Variants in DNAH17 observed in about 807,000 individuals in gnomAD.
The protein encoded by DNAH17 is dynein axonemal heavy chain 17.
In DNAH17, 376 loss-of-function variants were observed where a neutral mutation model predicts 485.6. The ratio of observed to expected loss-of-function variants is 0.77; its 90% CI spans 0.71 to 0.84. DNAH17 has a LOEUF of 0.84. DNAH17 is among the 40% of genes least tolerant of loss of function. The pLI, the probability that DNAH17 is intolerant of heterozygous loss-of-function variation, is 0.00. For missense variants in DNAH17, 6,370 were observed against 5,839.3 expected (o/e 1.09, Z -2.96); for synonymous variants, 3,031 against 2,405.9 (o/e 1.26, Z -7.60).
At chr17:78,435,517 G>A (rs2086826663) in intron 74 of DNAH17, among the ~76,000 whole-genome samples, 2 of 152,128 alleles carry the variant, frequency 1.3e-5, no homozygotes, top group African/African-American at 2.4e-5. Context: ...TGCCACTCCC[G>A]TGTGCTGGCT....
chr17:78,507,338 T>C lies in DNAH17; in HGVS notation c.4616A>G (p.Asn1539Ser), dbSNP rs760332659. 8.7e-6 allele frequency: 14 copies of C among 1,613,828 alleles called. No individual in the cohort carries two copies. In the East Asian group the frequency reaches 2.0e-4, roughly 23 times the overall value. Residue 1539 changes from asparagine (N) to serine (S), a missense_variant, in exon 29 of 81, where the codon AAC becomes AGC. Physicochemically the swap from Asn to Ser is conservative, Grantham distance 46. Coordinates refer to ENST00000389840, the MANE Select transcript of DNAH17 (RefSeq NM_173628.4). ...ALMEDAVKTP[N>S]VVEATSKPGL... is the part of the protein sequence containing the mutation. ...GGGTTTGCTGGTGGCTTCCACCACG[T>C]TGGGTGTTTTCACTGCATCTTCCAT...
intron 9 of DNAH17, among the ~76,000 whole-genome samples, chr17:78,567,978 T>C (rs941730830): frequency 2.6e-5 from 4 of 152,156 alleles, no homozygotes; most frequent in African/African-American, 7.2e-5. Flanking sequence ...GAACTGGTGC[T>C]GAGGTTGGTG....
At chr17:78,566,586 T>C (rs1392333378) in intron 11 of DNAH17, 28 bp downstream of exon 11, 1 of 1,496,706 alleles carries the variant, frequency 6.7e-7, no homozygotes, top group Admixed American at 1.9e-5. Context: ...AGGCTCCAGA[T>C]CTGCCTGCGT....
chr17:78,443,750 A>G (rs948827386), intron 71 of DNAH17, among the ~76,000 whole-genome samples: 3 of 152,028 alleles, frequency 2.0e-5, no homozygotes, highest in African/African-American at 7.2e-5. Flanking sequence ...GGGTCTCACT[A>G]TGTTTCCCAG....
intron 75 of DNAH17, among the ~76,000 whole-genome samples, chr17:78,431,935 G>A (rs1292745026): frequency 6.6e-6 from 1 of 152,132 alleles, no homozygotes; most frequent in African/African-American, 2.4e-5. Context: ...ACTTTGGGAG[G>A]CCGAGGTGGG....
rs1401300630 is a variant in DNAH17 at position 78,499,948 on chromosome 17, C to T, written c.5640+357G>A. On this transcript the variant is annotated intron_variant, in intron 36 of 80. Coordinates refer to ENST00000389840, the MANE Select transcript of DNAH17 (RefSeq NM_173628.4). ...CCAATCCCCTGCTCCCCTCCCAAAC[C>T]CACCTGGACACTGCTTGTACCCCAC... 3 of 195,786 alleles carry T rather than the reference C, an allele frequency of 1.5e-5. No homozygotes were observed. The Admixed American group carries it at 1.6e-4, about 11-fold the overall frequency. The allele number at this position is 195,786 out of a possible 1,614,324, so 12.1% of individuals were successfully genotyped here.
chr17:78,486,184 G>C, intron 45 of DNAH17, 40 bp downstream of exon 45: 2 of 1,595,108 alleles, frequency 1.3e-6, no homozygotes, highest in African/African-American at 1.3e-5. Flanking sequence ...AGGATGCTGA[G>C]AGACCCTGTG....
intron 1 of DNAH17, 71 bp from the exon 2 acceptor site, chr17:78,575,153 C>A (rs536363671): frequency 2.0e-6 from 2 of 981,844 alleles, no homozygotes; most frequent in Non-Finnish European, 3.0e-6. Flanking sequence ...TCCCTGGCAC[C>A]GCAGGAAATC....
Position 78,455,770 on chromosome 17 carries a change from C to G in DNAH17, c.10044G>C (p.Gln3348His). 6.2e-7 allele frequency: 1 copy of G among 1,613,594 alleles called. No homozygotes were observed. Residue 3348 changes from glutamine (Q) to histidine (H), a missense_variant, in exon 63 of 81, where the codon CAG becomes CAC. Coordinates refer to ENST00000389840, the MANE Select transcript of DNAH17 (RefSeq NM_173628.4). ...WAESVENFRS[Q>H]GVTLCGDVLL... ...GGACGTCCCCACACAGCGTGACCCCCTGGCTCCTGAAGTTCTCCACAGACT... is the reference window on the plus strand; with the variant it reads ...GGACGTCCCCACACAGCGTGACCCCGTGGCTCCTGAAGTTCTCCACAGACT...
chr17:78,476,084 G>C (rs75022973), intron 52 of DNAH17, among the ~76,000 whole-genome samples: 3,170 of 152,196 alleles, frequency 0.021, 42 homozygotes, highest in Middle Eastern at 0.044. Flanking sequence ...ATTCCACCAA[G>C]AACACACGGG....
chr17:78,557,874 T>C (rs574350046), intron 14 of DNAH17, among the ~76,000 whole-genome samples: 63 of 151,960 alleles, frequency 4.1e-4, no homozygotes, highest in Admixed American at 7.9e-4. Flanking sequence ...GATCTCCAAG[T>C]GGAACAGAAC....
chr17:78,571,883 A>G, intron 3 of DNAH17, 101 bp from the exon 4 acceptor site: 1 of 1,175,928 alleles, frequency 8.5e-7, no homozygotes, highest in South Asian at 1.5e-5. Flanking sequence ...CCAAACCACC[A>G]GCAGCAGCAC....
chr17:78,564,169 G>T (rs1330767511), intron 11 of DNAH17, among the ~76,000 whole-genome samples: 1 of 151,976 alleles, frequency 6.6e-6, no homozygotes, highest in Non-Finnish European at 1.5e-5. Context: ...TCACAAAGTT[G>T]AACTCGCCAA....
chr17:78,532,644 C>G lies in DNAH17; in HGVS notation c.2952G>C (p.Gln984His). 6.3e-7 allele frequency: 1 copy of G among 1,599,246 alleles called. No homozygotes were observed. The highest frequency in any genetic ancestry group is 8.5e-7 in the Non-Finnish European group (1 of 1,172,378). The part of the protein sequence containing the change: ...INAMKEAEEY[Q>H]DSFERYSYLW... ...GGTAGGAGTACCTCTCAAAGGAATC[C>G]TGGTACTCCTCGGCCTCCTTCATGG... The change falls in exon 20 of 81, where the codon CAG (glutamine) becomes CAC (histidine). Residue 984 changes from glutamine to histidine, a missense_variant. Gln to His is a conservative substitution (Grantham distance 24, BLOSUM62 0). Coordinates refer to ENST00000389840, the MANE Select transcript of DNAH17 (RefSeq NM_173628.4).
chr17:78,430,405 C>A (rs72907449), intron 75 of DNAH17, among the ~76,000 whole-genome samples: 2,532 of 152,308 alleles, frequency 0.017, 32 homozygotes, highest in Middle Eastern at 0.037. Flanking sequence ...CCTGTTCTTT[C>A]CCTGAAGTTT....
rs552255693 is a variant in DNAH17, at chr17:78,566,016, T to G, written c.1569+598A>C. Among the ~76,000 whole-genome samples the G allele has an allele frequency of 9.1e-4, 138 of 151,960 alleles. 2 individuals carry two copies. In the Middle Eastern group the frequency reaches 0.017, roughly 19 times the overall value. On this transcript the variant is annotated intron_variant, in intron 11 of 80. Coordinates refer to ENST00000389840, the MANE Select transcript of DNAH17 (RefSeq NM_173628.4). ...CAAACAAACCCCTTAAAACTAAAAATAGAGACCCCAGAGACCTCCCTTGCC... is the reference window on the plus strand; with the variant it reads ...CAAACAAACCCCTTAAAACTAAAAAGAGAGACCCCAGAGACCTCCCTTGCC...
intron 17 of DNAH17, among the ~76,000 whole-genome samples, chr17:78,542,995 C>G (rs926936867): frequency 6.6e-6 from 1 of 152,176 alleles, no homozygotes; most frequent in Non-Finnish European, 1.5e-5. Context: ...TTGTGCTGGG[C>G]GAGGGCTCTG....
chr17:78,534,334 T>C (rs777067513), intron 19 of DNAH17, among the ~76,000 whole-genome samples: 7 of 152,208 alleles, frequency 4.6e-5, no homozygotes, highest in Non-Finnish European at 7.4e-5. Flanking sequence ...AACGGTGTAA[T>C]TGAGGAGGTG....
At chr17:78,514,675 G>C (rs1429611844) in intron 26 of DNAH17, 99 bp downstream of exon 26, 2 of 1,460,660 alleles carry the variant, frequency 1.4e-6, no homozygotes, top group East Asian at 2.5e-5. Context: ...TACCAGCATC[G>C]GGCCCTGAAC....
Sources: allele counts gnomAD v4.1 joint callset (sites outside exome capture counted in the v4.1 genomes callset), GRCh38; gene constraint gnomAD v4.1.1; transcripts MANE v1.5; gene names NCBI Gene and HGNC (gene_info 2026-07-23, HGNC 2026-07-21).